The following DCC variants were observed in gnomAD, a reference collection of about 807,000 sequenced individuals.
DCC encodes the protein netrin receptor DCC.
A neutral mutation model predicts 172.5 loss-of-function variants in DCC; 58 were observed. The ratio of observed to expected loss-of-function variants is 0.34; its 90% CI spans 0.27 to 0.42. The LOEUF (loss-of-function observed/expected upper bound fraction) is 0.42. Among genes scored for constraint, DCC ranks in the 10% least tolerant of loss-of-function variants. The pLI is 1.00. For missense variants in DCC, 1,740 were observed against 1,791.0 expected, an observed-to-expected ratio of 0.97 and a Z score of 0.51; for synonymous variants, 709 against 644.5, an observed-to-expected ratio of 1.10 and a Z score of -1.52.
intron 21 of DCC, among the ~76,000 whole-genome samples, chr18:53,425,361 T>TTTTTTTTC (rs1910857938): frequency 3.3e-5 from 4 of 121,972 alleles, no homozygotes; most frequent in African/African-American, 8.1e-5. Context: ...TCCTCTCTTT[T>TTTTTTTTC]TTTTTTTTTT....
intron 17 of DCC, among the ~76,000 whole-genome samples, chr18:53,396,742 C>G (rs1404808513): frequency 6.6e-6 from 1 of 152,128 alleles, no homozygotes; most frequent in African/African-American, 2.4e-5. Flanking sequence ...AATCAATTAA[C>G]TTCGTTACAA....
intron 5 of DCC, among the ~76,000 whole-genome samples, chr18:53,035,512 T>C (rs2042081095): frequency 1.3e-5 from 2 of 152,226 alleles, no homozygotes; most frequent in Admixed American, 6.6e-5. Context: ...AAGTGTATTT[T>C]ATAAAATTTT....
In DCC at chr18:53,157,448, C is replaced by T; in HGVS notation, c.1354C>T (p.Pro452Ser). The T allele has an allele frequency of 1.9e-6, 3 of 1,614,162 alleles. No individual in the cohort carries two copies. In the East Asian group the frequency reaches 6.7e-5, roughly 36 times the overall value. ...SRFVRLSWRP[P>S]AEAKGNIQTF... ...ATTTGTCCGTCTCAGCTGGCGCCCA[C>T]CTGCAGAAGCGAAAGGGAACATTCA... The change falls in exon 8 of 29, where the codon CCT becomes TCT. Residue 452 changes from proline (P) to serine (S), a missense_variant. Physicochemically the swap from Pro to Ser is moderately conservative, Grantham distance 74. Around this residue, in one of 2 missense-constraint regions of DCC, gnomAD observed 1,732 missense variants for 1,767.4 expected, o/e 0.98. Coordinates refer to ENST00000442544, the MANE Select transcript of DCC (RefSeq NM_005215.4).
intron 15 of DCC, among the ~76,000 whole-genome samples, chr18:53,384,215 A>C (rs1398727563): frequency 6.6e-6 from 1 of 152,116 alleles, no homozygotes; most frequent in Admixed American, 6.6e-5. Context: ...CTTTATGTTT[A>C]AAGTTAATTT....
chr18:52,921,066 G>C (rs2040116884), intron 3 of DCC, among the ~76,000 whole-genome samples: 1 of 152,124 alleles, frequency 6.6e-6, no homozygotes, highest in Non-Finnish European at 1.5e-5. Context: ...GGATTTTTAG[G>C]ATGCTGAGAT....
At chr18:53,153,044 C>T (rs1048437480) in intron 7 of DCC, among the ~76,000 whole-genome samples, 1 of 152,172 alleles carries the variant, frequency 6.6e-6, no homozygotes, top group Non-Finnish European at 1.5e-5. Flanking sequence ...CTCTCTGGCA[C>T]TCCCTGGGTG....
At chr18:52,700,316 G>C (rs1369110055) in intron 1 of DCC, among the ~76,000 whole-genome samples, 1 of 137,724 alleles carries the variant, frequency 7.3e-6, no homozygotes, top group East Asian at 2.1e-4. Flanking sequence ...ATGCACACAT[G>C]CACACTCACG....
chr18:52,751,488 T>C (rs867957110), intron 1 of DCC, among the ~76,000 whole-genome samples: 3 of 152,366 alleles, frequency 2.0e-5, no homozygotes, highest in Middle Eastern at 3.4e-3. Context: ...TTTTAGGTAG[T>C]AGCTTTATTG....
At chr18:52,770,994 A>G (rs764109874) in intron 2 of DCC, among the ~76,000 whole-genome samples, 17 of 152,196 alleles carry the variant, frequency 1.1e-4, no homozygotes, top group Non-Finnish European at 1.8e-4. Flanking sequence ...TCTCCTTCCC[A>G]CTGGGCCTCC....
At chr18:53,015,692 A>G (rs1033922408) in intron 5 of DCC, among the ~76,000 whole-genome samples, 1 of 152,124 alleles carries the variant, frequency 6.6e-6, no homozygotes, top group African/African-American at 2.4e-5. Flanking sequence ...TTCGTCTACA[A>G]TAGAGATCGA....
intron 10 of DCC, among the ~76,000 whole-genome samples, chr18:53,206,332 CATAT>C (rs1333889028): frequency 0.049 from 3,980 of 81,250 alleles, 172 homozygotes; most frequent in East Asian, 0.12. Flanking sequence ...TATTGTAACA[CATAT>C]ATGTATATAT....
chr18:52,779,386 G>C (rs2037491530), intron 2 of DCC, among the ~76,000 whole-genome samples: 1 of 152,064 alleles, frequency 6.6e-6, no homozygotes, highest in South Asian at 2.1e-4. Flanking sequence ...CTCCCATTTA[G>C]GAGTGAGAAC....
At chr18:52,882,610 C>T (rs918642063) in intron 2 of DCC, among the ~76,000 whole-genome samples, 3 of 151,890 alleles carry the variant, frequency 2.0e-5, no homozygotes, top group Admixed American at 6.6e-5. Flanking sequence ...TTTGATTACA[C>T]TGGGGTCAGA....
intron 1 of DCC, among the ~76,000 whole-genome samples, chr18:52,341,299 G>A (rs1983624653): frequency 1.3e-5 from 2 of 152,118 alleles, no homozygotes; most frequent in African/African-American, 4.8e-5. Flanking sequence ...GAGGAAGTCT[G>A]CGCAGAATGT....
At chr18:52,839,204 A>G (rs540175797) in intron 2 of DCC, among the ~76,000 whole-genome samples, 4 of 152,334 alleles carry the variant, frequency 2.6e-5, no homozygotes, top group African/African-American at 9.6e-5. Context: ...ATGAAAATGA[A>G]ATGACTTTGT....
chr18:52,926,964 G>GAT (rs34799526), intron 5 of DCC, among the ~76,000 whole-genome samples: 52,602 of 136,852 alleles, frequency 0.38, 10,745 homozygotes, highest in Non-Finnish European at 0.46. Flanking sequence ...ACTATATATG[G>GAT]ATATATATAC....
intron 7 of DCC, among the ~76,000 whole-genome samples, chr18:53,112,603 C>T (rs2043348593): frequency 6.6e-6 from 1 of 151,474 alleles, no homozygotes; most frequent in African/African-American, 2.4e-5. Flanking sequence ...TAAGCTATAA[C>T]ATTTCAGCTG....
chr18:53,157,230 T>G (rs539544370), intron 7 of DCC, 126 bp from the exon 8 acceptor site: 72 of 1,177,972 alleles, frequency 6.1e-5, no homozygotes, highest in Admixed American at 1.0e-4. Context: ...CTTGGTTTTC[T>G]TCCTTGCTTT....
At chr18:53,350,655 T>C (rs546347307) in intron 15 of DCC, among the ~76,000 whole-genome samples, 3 of 152,174 alleles carry the variant, frequency 2.0e-5, no homozygotes, top group African/African-American at 7.2e-5. Flanking sequence ...CAAAAGATGC[T>C]TTTAGTCCCT....
Sources: allele counts gnomAD v4.1 joint callset (sites outside exome capture counted in the v4.1 genomes callset), GRCh38; gene constraint gnomAD v4.1.1; regional missense constraint gnomAD v4.1.1; transcripts MANE v1.5; gene names NCBI Gene and HGNC (gene_info 2026-07-23, HGNC 2026-07-21).